The following ZBTB7C variants were observed in gnomAD, a reference collection of about 807,000 sequenced individuals.
The protein encoded by ZBTB7C is zinc finger and BTB domain containing 7C.
In ZBTB7C, 8 loss-of-function variants were observed where a neutral mutation model predicts 25.7. That is an observed-to-expected ratio of 0.31 (90% CI 0.18 to 0.56). ZBTB7C has a LOEUF of 0.56. Among genes scored for constraint, ZBTB7C ranks in the 20% least tolerant of loss-of-function variants. The pLI, the probability that ZBTB7C is intolerant of heterozygous loss-of-function variation, is 0.91. For missense variants in ZBTB7C, 824 were observed against 855.2 expected (o/e 0.96, Z 0.46); for synonymous variants, 394 against 369.0 (o/e 1.07, Z -0.78).
intron 3 of ZBTB7C, among the ~76,000 whole-genome samples, chr18:48,078,643 CAG>C (rs2037864710): frequency 6.6e-6 from 1 of 152,182 alleles, no homozygotes; most frequent in Non-Finnish European, 1.5e-5. Flanking sequence ...ATTCTCACAC[CAG>C]AGTGGTAGAG....
intron 2 of ZBTB7C, among the ~76,000 whole-genome samples, chr18:48,253,290 T>TA (rs2043923770): frequency 6.6e-6 from 1 of 151,758 alleles, no homozygotes. Flanking sequence ...TAAAAATACT[T>TA]AAAAAAATAA....
At chr18:48,360,305 T>TA (rs1381788049) in intron 1 of ZBTB7C, among the ~76,000 whole-genome samples, 1 of 152,144 alleles carries the variant, frequency 6.6e-6, no homozygotes, top group Non-Finnish European at 1.5e-5. Context: ...GCAGAGGAGT[T>TA]AGAGGAGACT....
intron 3 of ZBTB7C, chr18:48,180,251 C>A (rs967230457): frequency 4.9e-6 from 2 of 409,108 alleles, no homozygotes; most frequent in Non-Finnish European, 9.8e-6. Context: ...TCCTTCCATC[C>A]ATTTCCTTGA....
rs776456155 is a variant in ZBTB7C, at chr18:48,040,171, T to C, written c.937A>G (p.Met313Val). 1.3e-6 allele frequency: 2 copies of C among 1,577,616 alleles called. No homozygotes were observed. Among genetic ancestry groups the C allele is most frequent in the East Asian group, 2.2e-5 (1 of 44,650 alleles). ...GGCCCCCCCGGCAGGTCAGGGAACA[T>C]GTCCTTGAAGAAGTCATTAGGGAAG... ...PPFPNDFFKD[M>V]FPDLPGGPLG... Residue 313 changes from methionine to valine, a missense_variant, in exon 4 of 5, where the codon ATG (methionine) becomes GTG (valine). Around this residue, in one of 4 missense-constraint regions of ZBTB7C, gnomAD observed 316 missense variants for 299.2 expected, o/e 1.06. Coordinates refer to ENST00000590800, the MANE Select transcript of ZBTB7C (RefSeq NM_001318841.2).
rs998925886 is a variant in ZBTB7C at position 48,294,325 on chromosome 18, CTTAA to C, written c.-79+43845_-79+43848del. On this transcript the variant is annotated intron_variant, in intron 2 of 4. Coordinates refer to ENST00000590800, the MANE Select transcript of ZBTB7C (RefSeq NM_001318841.2). ...ATTTAGCCTGGTCCCCAAAGCAGGGCTTAATTAAATTAATCCTGCACACCCCCAC... is the reference window on the plus strand; with the variant it reads ...ATTTAGCCTGGTCCCCAAAGCAGGGCTTAAATTAATCCTGCACACCCCCAC... Among the ~76,000 whole-genome samples the C allele has an allele frequency of 5.9e-5, 9 of 152,308 alleles. 1 individual carries two copies. Among genetic ancestry groups the C allele is most frequent in the African/African-American group, 2.2e-4 (9 of 41,570 alleles).
At chr18:48,117,215 T>A (rs1441090823) in intron 3 of ZBTB7C, among the ~76,000 whole-genome samples, 1 of 152,224 alleles carries the variant, frequency 6.6e-6, no homozygotes, top group Non-Finnish European at 1.5e-5. Context: ...TTATTAACGA[T>A]GTGTTTTTCC....
intron 1 of ZBTB7C, among the ~76,000 whole-genome samples, chr18:48,380,698 C>T (rs2047616306): frequency 6.6e-6 from 1 of 151,988 alleles, no homozygotes; most frequent in Admixed American, 6.6e-5. Context: ...TGTGGTATCC[C>T]GATGGGATCC....
At chr18:48,150,793 A>C (rs1256308086) in intron 3 of ZBTB7C, 1 of 152,174 alleles carries the variant, frequency 6.6e-6, no homozygotes, top group East Asian at 1.9e-4. Context: ...GCAAATTTGA[A>C]GTCCCTGATA....
chr18:48,403,163 G>A lies in ZBTB7C; in HGVS notation c.-304+6063C>T, dbSNP rs532404878. On this transcript the variant is annotated intron_variant, in intron 1 of 4. Coordinates refer to ENST00000590800, the MANE Select transcript of ZBTB7C (RefSeq NM_001318841.2). ...ACTCTCCAAGGATGGCAGTATGCTTGGAGCTCTTGCCCACCAAAGAAGTAA... is the reference window on the plus strand; with the variant it reads ...ACTCTCCAAGGATGGCAGTATGCTTAGAGCTCTTGCCCACCAAAGAAGTAA... Among the ~76,000 whole-genome samples the A allele has an allele frequency of 5.3e-5, 8 of 152,338 alleles. No homozygotes were observed. The South Asian group carries it at 1.4e-3, about 28-fold the overall frequency.
chr18:48,149,525 G>T (rs140401951), intron 3 of ZBTB7C: 1 of 152,158 alleles, frequency 6.6e-6, no homozygotes, highest in Non-Finnish European at 1.5e-5. Flanking sequence ...AAATCGCCAG[G>T]GTAGTGGGTC....
chr18:48,222,551 G>A (rs765625088), intron 2 of ZBTB7C, among the ~76,000 whole-genome samples: 14 of 152,170 alleles, frequency 9.2e-5, no homozygotes, highest in Admixed American at 2.6e-4. Context: ...TTCATCGATT[G>A]AGAAAATTAA....
chr18:48,227,035 A>G (rs1415239463), intron 2 of ZBTB7C, among the ~76,000 whole-genome samples: 5 of 150,710 alleles, frequency 3.3e-5, no homozygotes, highest in African/African-American at 7.3e-5. Flanking sequence ...AAAAAAAAAA[A>G]AAAGAAAAAG....
At chr18:48,105,269 A>G (rs547036288) in intron 3 of ZBTB7C, among the ~76,000 whole-genome samples, 3 of 152,186 alleles carry the variant, frequency 2.0e-5, no homozygotes, top group Non-Finnish European at 4.4e-5. Context: ...TTTCAGGCCC[A>G]TGGGAAGGCA....
intron 3 of ZBTB7C, among the ~76,000 whole-genome samples, chr18:48,074,210 C>T (rs2037668679): frequency 6.6e-6 from 1 of 152,060 alleles, no homozygotes; most frequent in Non-Finnish European, 1.5e-5. Flanking sequence ...GACGGGGTTT[C>T]ACCATATTGG....
intron 2 of ZBTB7C, among the ~76,000 whole-genome samples, chr18:48,187,381 G>C (rs2042081486): frequency 1.3e-5 from 2 of 152,150 alleles, no homozygotes; most frequent in Admixed American, 1.3e-4. Context: ...GCCTTAAAGT[G>C]GAAGGAAATT....
chr18:48,408,000 G>C (rs1453753683), intron 1 of ZBTB7C, among the ~76,000 whole-genome samples: 2 of 152,158 alleles, frequency 1.3e-5, no homozygotes, highest in Admixed American at 6.5e-5. Context: ...TCTCTCCCAG[G>C]TCTGGGCACA....
At chr18:48,159,535 T>G (rs1236944590) in intron 3 of ZBTB7C, among the ~76,000 whole-genome samples, 1 of 152,216 alleles carries the variant, frequency 6.6e-6, no homozygotes, top group East Asian at 1.9e-4. Flanking sequence ...ATGCCTACAC[T>G]AATTCATTCA....
intron 4 of ZBTB7C, among the ~76,000 whole-genome samples, chr18:48,032,741 G>A (rs1019080302): frequency 5.3e-5 from 8 of 152,030 alleles, no homozygotes; most frequent in African/African-American, 1.9e-4. Context: ...TGGCCAGGTA[G>A]GTTTTTTTTA....
At chr18:48,178,380 C>T (rs1474720608) in intron 3 of ZBTB7C, among the ~76,000 whole-genome samples, 1 of 152,240 alleles carries the variant, frequency 6.6e-6, no homozygotes, top group African/African-American at 2.4e-5. Flanking sequence ...GCAAGGGCTA[C>T]CACGTCGGGC....
Sources: gnomAD v4.1 joint callset for allele counts (sites outside exome capture counted in the v4.1 genomes callset) on GRCh38, gnomAD v4.1.1 for gene constraint, gnomAD v4.1.1 regional missense constraint, MANE v1.5 for transcripts, NCBI Gene and HGNC (gene_info 2026-07-23, HGNC 2026-07-21) for gene names.